Variants in UBXN7 observed in about 807,000 individuals in gnomAD.
UBXN7 encodes the protein UBX domain protein 7.
UBXN7 carries 9 observed loss-of-function variants against 58.0 expected under a neutral mutation model. The ratio of observed to expected loss-of-function variants is 0.16; its 90% CI spans 0.09 to 0.27. The LOEUF is 0.27. Among genes scored for constraint, UBXN7 ranks in the 10% least tolerant of loss-of-function variants. The probability of loss-of-function intolerance (pLI) is 1.00; values close to 1 mark genes in which losing one functional copy is unlikely to be tolerated. For synonymous variants in UBXN7, 208 were observed against 205.0 expected (o/e 1.01, Z -0.12); for missense variants, 328 against 599.6 (o/e 0.55, Z 4.73).
At chr3:196,370,857 CA>C (rs11347018) in intron 6 of UBXN7, among the ~76,000 whole-genome samples, 45,726 of 86,434 alleles carry the variant, frequency 0.53, 8,202 homozygotes, top group East Asian at 0.73. Flanking sequence ...CCCATCTCTA[CA>C]AAAAAAAAAA....
chr3:196,420,958 G>A (rs758573280), intron 1 of UBXN7, among the ~76,000 whole-genome samples: 29 of 152,144 alleles, frequency 1.9e-4, no homozygotes, highest in Non-Finnish European at 3.7e-4. Context: ...AAATGATAGG[G>A]ACAAGAGGTT....
At position 196,398,870 on chromosome 3, in the gene UBXN7, C is replaced by G. The variant is rs113565282; in HGVS notation, c.289+4082G>C. ...CAGGCTGGTGTGGAACTCCCAGGCT[C>G]AAACAATCCTCCCGCCTCAGCCTCC... On this transcript the variant is annotated intron_variant, in intron 3 of 10. Coordinates refer to ENST00000296328, the MANE Select transcript of UBXN7 (RefSeq NM_015562.2). Among the ~76,000 whole-genome samples the G allele has an allele frequency of 1.2e-3, 190 of 152,266 alleles. 1 individual carries two copies. The highest frequency in any genetic ancestry group is 4.1e-3 in the African/African-American group (171 of 41,568).
At chr3:196,394,286 CAAAAA>C (rs34194652) in intron 3 of UBXN7, among the ~76,000 whole-genome samples, 4 of 88,184 alleles carry the variant, frequency 4.5e-5, no homozygotes, top group African/African-American at 1.4e-4. Flanking sequence ...AACTCCATCT[CAAAAA>C]AAAAAAAAAA....
intron 5 of UBXN7, among the ~76,000 whole-genome samples, chr3:196,387,036 T>A (rs1729428125): frequency 1.3e-5 from 2 of 152,192 alleles, no homozygotes; most frequent in South Asian, 4.2e-4. Context: ...TGTTTCAAAC[T>A]ATACTACAAG....
rs375067720 is a variant in UBXN7, at chr3:196,362,334, A to T, written c.1188T>A (p.Pro396=). 1.7e-5 allele frequency: 27 copies of T among 1,611,332 alleles called. No homozygotes were observed. The highest frequency in any genetic ancestry group is 2.3e-5 in the Non-Finnish European group (27 of 1,179,122). Residue 396 remains proline, a synonymous_variant, in exon 9 of 11, where the codon CCT becomes CCA. Coordinates refer to ENST00000296328, the MANE Select transcript of UBXN7 (RefSeq NM_015562.2). The stretch of plus-strand genomic sequence containing the variant: ...CCTCCACTACTCCATCTGCTTTTTC[A>T]GGTGGCATCTCCAGTATCTCTGAAT... ...AVDSEILEMP[P]EKADGVVEGI...
At chr3:196,384,862 C>A (rs1412164440) in intron 5 of UBXN7, among the ~76,000 whole-genome samples, 1 of 152,160 alleles carries the variant, frequency 6.6e-6, no homozygotes, top group East Asian at 1.9e-4. Flanking sequence ...TGGGCAAAAA[C>A]TGGAAGCATT....
intron 5 of UBXN7, among the ~76,000 whole-genome samples, chr3:196,386,380 T>TAAAAAAAAAAAACA (rs1729398234): frequency 1.7e-5 from 1 of 57,728 alleles, no homozygotes; most frequent in African/African-American, 7.0e-5. Context: ...TAATAAACAC[T>TAAAAAAAAAAAACA]AAAAAAAAAA....
intron 10 of UBXN7, among the ~76,000 whole-genome samples, chr3:196,357,164 T>C (rs1250928691): frequency 1.3e-5 from 2 of 152,214 alleles, no homozygotes; most frequent in Non-Finnish European, 2.9e-5. Context: ...ATTTTATCCG[T>C]TTTCCTTTCT....
chr3:196,355,388 G>C lies in UBXN7; in HGVS notation c.*1297C>G, dbSNP rs146857471. On this transcript the variant is annotated 3_prime_UTR_variant, in exon 11 of 11. Transcript: ENST00000296328. ...CAAGATGGCCTCTTCTAAAAACACT[G>C]AAGAAAGCTTTCACCAACTCTAATT... 1.7e-3 allele frequency: 261 copies of C among 152,244 alleles called. No homozygotes were observed. Among genetic ancestry groups the C allele is most frequent in the African/African-American group, 6.1e-3 (254 of 41,540 alleles). 9.4% of individuals were successfully genotyped at this position (152,244 alleles called of 1,614,324 possible). A position where few individuals can be genotyped will look rare whatever the true frequency, so the allele number is the denominator to read the frequency against.
At chr3:196,397,990 T>C (rs763637496) in intron 3 of UBXN7, among the ~76,000 whole-genome samples, 2 of 152,178 alleles carry the variant, frequency 1.3e-5, no homozygotes. Context: ...CTCCCAGTAT[T>C]GATAACCTGT....
intron 8 of UBXN7, among the ~76,000 whole-genome samples, chr3:196,365,851 A>C (rs1294323886): frequency 2.0e-5 from 3 of 152,212 alleles, no homozygotes; most frequent in African/African-American, 7.2e-5. Flanking sequence ...CCACCAAAAA[A>C]AAACTCTAGG....
chr3:196,430,134 C>T (rs1730980203), intron 1 of UBXN7, among the ~76,000 whole-genome samples: 1 of 151,986 alleles, frequency 6.6e-6, no homozygotes, highest in African/African-American at 2.4e-5. Context: ...GTGAGTGGAT[C>T]ATTTGAGGAC....
chr3:196,410,165 C>T (rs1730281239), intron 1 of UBXN7, among the ~76,000 whole-genome samples: 1 of 152,078 alleles, frequency 6.6e-6, no homozygotes, highest in South Asian at 2.1e-4. Flanking sequence ...GTCCTGACCT[C>T]CTGACCTCAG....
At chr3:196,362,037 T>C in intron 9 of UBXN7, 114 bp from the exon 10 acceptor site, 3 of 1,140,042 alleles carry the variant, frequency 2.6e-6, no homozygotes, top group Non-Finnish European at 3.8e-6. Flanking sequence ...CTCAAGTGTT[T>C]TGCTGGAGTG....
At chr3:196,427,566 C>T (rs888871427) in intron 1 of UBXN7, among the ~76,000 whole-genome samples, 2 of 152,236 alleles carry the variant, frequency 1.3e-5, no homozygotes, top group Non-Finnish European at 2.9e-5. Flanking sequence ...GATCCACCCG[C>T]CTTGGCCTCC....
At chr3:196,391,712 C>G (rs139066344) in intron 5 of UBXN7, 101 bp downstream of exon 5, 2 of 824,066 alleles carry the variant, frequency 2.4e-6, no homozygotes, top group East Asian at 2.8e-5. Flanking sequence ...CCAGCCTGGA[C>G]GACAGAGCGA....
chr3:196,357,549 G>T (rs1425965000), intron 10 of UBXN7, among the ~76,000 whole-genome samples: 2 of 152,162 alleles, frequency 1.3e-5, no homozygotes, highest in Non-Finnish European at 2.9e-5. Context: ...CAAGGAGGGG[G>T]ACAGCTTGAG....
In UBXN7 at chr3:196,351,983, C is replaced by T. The variant is rs546998514; in HGVS notation, c.*4702G>A. ...TTACTCCAGGGATCAATAATCCTTTCCTACTTGGGTACTGGTTATGCCTTA... is the reference window on the plus strand; with the variant it reads ...TTACTCCAGGGATCAATAATCCTTTTCTACTTGGGTACTGGTTATGCCTTA... On this transcript the variant is annotated 3_prime_UTR_variant, in exon 11 of 11. Transcript: ENST00000296328. 8.1e-4 allele frequency: 124 copies of T among 152,298 alleles called. No homozygotes were observed. The highest frequency in any genetic ancestry group is 2.9e-3 in the African/African-American group (119 of 41,570). 9.4% of individuals were successfully genotyped at this position (152,298 alleles called of 1,614,324 possible).
rs551357242 is a variant in UBXN7 at position 196,350,293 on chromosome 3, C to T, written c.*6392G>A. On this transcript the variant is annotated 3_prime_UTR_variant, in exon 11 of 11. Transcript: ENST00000296328. ...AGAATATCTGCAATTTTAAGCAACA[C>T]AACAGCAACTGGTAGGCCACAAAGA... The T allele has an allele frequency of 6.6e-6, 1 of 152,290 alleles. No individual in the cohort carries two copies. Among genetic ancestry groups the T allele is most frequent in the African/African-American group, 2.4e-5 (1 of 41,564 alleles). The allele number at this position is 152,290 out of a possible 1,614,324, so 9.4% of individuals were successfully genotyped here.
Sources: allele counts gnomAD v4.1 joint callset (sites outside exome capture counted in the v4.1 genomes callset), GRCh38; gene constraint gnomAD v4.1.1; transcripts MANE v1.5; gene names NCBI Gene and HGNC (gene_info 2026-07-23, HGNC 2026-07-21).